Variants in STRBP observed in about 807,000 individuals in gnomAD.
STRBP encodes the protein spermatid perinuclear RNA binding protein, also known as spermatid perinuclear RNA-binding protein.
Under a neutral mutation model 80.1 loss-of-function variants are expected in STRBP, and 13 were observed. The ratio of observed to expected loss-of-function variants is 0.16; its 90% CI spans 0.11 to 0.26. The LOEUF is 0.26. STRBP is among the 10% of genes least tolerant of loss of function. STRBP has a pLI of 1.00. For synonymous variants in STRBP, 284 were observed against 291.2 expected (o/e 0.98, Z 0.25); for missense variants, 485 against 815.2 (o/e 0.59, Z 4.93).
At chr9:123,251,231 C>A (rs1209771056) in intron 1 of STRBP, among the ~76,000 whole-genome samples, 5 of 151,362 alleles carry the variant, frequency 3.3e-5, no homozygotes, top group African/African-American at 1.2e-4. Context: ...CTCCCTCTCT[C>A]AAAGAAGAAG....
At chr9:123,140,245 A>G (rs368011472) in intron 13 of STRBP, among the ~76,000 whole-genome samples, 2 of 152,248 alleles carry the variant, frequency 1.3e-5, no homozygotes, top group African/African-American at 4.8e-5. Context: ...CAATTACAAA[A>G]TAACATCTAA....
exon 4 of STRBP, chr9:123,109,652 C>G (rs1416147494): frequency 6.6e-6 from 1 of 152,358 alleles, no homozygotes; most frequent in East Asian, 1.9e-4. Flanking sequence ...CGGGTGCTGC[C>G]TGGAGGACTT....
chr9:123,188,845 G>C (rs1313052528), intron 2 of STRBP, among the ~76,000 whole-genome samples: 1 of 151,944 alleles, frequency 6.6e-6, no homozygotes. Context: ...TAACTGACTA[G>C]GAAACCTTCA....
At chr9:123,159,538 T>A (rs2037434199) in intron 8 of STRBP, among the ~76,000 whole-genome samples, 2 of 152,192 alleles carry the variant, frequency 1.3e-5, no homozygotes, top group African/African-American at 4.8e-5. Flanking sequence ...TAATAGCTAA[T>A]AACTAGCCAG....
intron 2 of STRBP, among the ~76,000 whole-genome samples, chr9:123,202,587 T>C (rs2039366607): frequency 6.6e-6 from 1 of 152,214 alleles, no homozygotes; most frequent in Non-Finnish European, 1.5e-5. Flanking sequence ...GTTACTTTGA[T>C]AGGTTTTCCT....
intron 2 of STRBP, among the ~76,000 whole-genome samples, chr9:123,193,240 C>T (rs935934199): frequency 6.6e-6 from 1 of 152,144 alleles, no homozygotes; most frequent in African/African-American, 2.4e-5. Flanking sequence ...CCTAGTACAT[C>T]GCCCTGCACT....
downstream of STRBP, among the ~76,000 whole-genome samples, chr9:123,118,834 T>TC (rs2035686141): frequency 6.6e-6 from 1 of 152,194 alleles, no homozygotes; most frequent in Non-Finnish European, 1.5e-5. Flanking sequence ...TGACCACCTT[T>TC]CTGCAGAGGC....
rs201089638 is a variant in STRBP at position 123,210,754 on chromosome 9, G to T, written c.-165+26076C>A. 2.0e-5 allele frequency among the ~76,000 whole-genome samples: 3 copies of T among 152,166 alleles called. No homozygotes were observed. The East Asian group carries it at 5.8e-4, about 29-fold the overall frequency. On this transcript the variant is annotated intron_variant, in intron 2 of 18. Transcript: ENST00000348403. ...TGAGGTATGAGAATCGCTTGAACCT[G>T]GGAGACGGAGGCTGCAGTGAGCCAA... is the stretch of plus-strand genomic sequence containing the variant.
chr9:123,173,736 C>T lies in STRBP; in HGVS notation c.331G>A (p.Asp111Asn), dbSNP rs753347354. 5.0e-6 allele frequency: 8 copies of T among 1,613,856 alleles called. No homozygotes were observed. Among genetic ancestry groups the T allele is most frequent in the African/African-American group, 1.3e-5 (1 of 74,998 alleles). Residue 111 changes from aspartate (D) to asparagine (N), a missense_variant, in exon 5 of 19, where the codon GAC becomes AAC. Around this residue, in one of 3 missense-constraint regions of STRBP, gnomAD observed 377 missense variants for 616.1 expected, o/e 0.61. Transcript: ENST00000348403. Reference sequence around the variant, plus strand: ...TTTAACAGGGTCTCTGTGGGTTTGTCTTTGCACATTAAAACCAGCTCCAAG... The same window carrying T: ...TTTAACAGGGTCTCTGTGGGTTTGTTTTTGCACATTAAAACCAGCTCCAAG... ...MDLELVLMCK[D>N]KPTETLLNTV...
intron 11 of STRBP, among the ~76,000 whole-genome samples, chr9:123,151,837 A>G (rs2037069918): frequency 6.6e-6 from 1 of 152,164 alleles, no homozygotes; most frequent in Non-Finnish European, 1.5e-5. Flanking sequence ...AAGAGCAGAA[A>G]CCAATAAAAC....
At chr9:123,132,631 C>T (rs749070153) in intron 17 of STRBP, among the ~76,000 whole-genome samples, 4 of 152,222 alleles carry the variant, frequency 2.6e-5, no homozygotes, top group Non-Finnish European at 4.4e-5. Flanking sequence ...ATTTGCTCAT[C>T]TGTCATCTCC....
rs572701485 is a variant in STRBP at position 123,150,484 on chromosome 9, T to C, written c.1046-2614A>G. Reference sequence around the variant, plus strand: ...CAGAAGGCTGAGGCAGGAGGATTCATTGAGTCCAGGAGTTTGAGGTTAAAG... The same window carrying C: ...CAGAAGGCTGAGGCAGGAGGATTCACTGAGTCCAGGAGTTTGAGGTTAAAG... On this transcript the variant is annotated intron_variant, in intron 11 of 18. Coordinates refer to ENST00000348403, the MANE Select transcript of STRBP (RefSeq NM_018387.5). Among the ~76,000 whole-genome samples the C allele has an allele frequency of 3.2e-4, 48 of 152,260 alleles. 1 individual carries two copies. The highest frequency in any genetic ancestry group is 5.7e-4 in the Non-Finnish European group (39 of 68,018).
chr9:123,261,607 TCA>T (rs933483524), intron 1 of STRBP, among the ~76,000 whole-genome samples: 107 of 152,180 alleles, frequency 7.0e-4, no homozygotes, highest in African/African-American at 2.5e-3. Context: ...AACAAAAAAA[TCA>T]CAGTTAGTAC....
At chr9:123,256,018 C>CT (rs11338372) in intron 1 of STRBP, among the ~76,000 whole-genome samples, 922 of 71,496 alleles carry the variant, frequency 0.013, 30 homozygotes, top group East Asian at 0.022. Flanking sequence ...TCCTTTCTTT[C>CT]TTTTTTTTTT....
chr9:123,226,544 A>AG (rs2040241941), intron 2 of STRBP, among the ~76,000 whole-genome samples: 1 of 152,184 alleles, frequency 6.6e-6, no homozygotes, highest in African/African-American at 2.4e-5. Context: ...GGGAAAGATA[A>AG]GGGAAACTAA....
Position 123,124,720 on chromosome 9 carries a change from ATTAAT to A in STRBP, c.*872_*876del, listed in dbSNP as rs1283476649. On this transcript the variant is annotated 3_prime_UTR_variant, in exon 19 of 19. Coordinates refer to ENST00000348403, the MANE Select transcript of STRBP (RefSeq NM_018387.5). ...AAGAACAAGAGAGGGTGATTGATTGATTAATTTATTATTTTTAAAAACTTGGAAAT... is the reference window on the plus strand; with the variant it reads ...AAGAACAAGAGAGGGTGATTGATTGATTATTATTTTTAAAAACTTGGAAAT... The A allele has an allele frequency of 1.0e-6, 1 of 985,290 alleles. No individual in the cohort carries two copies. The highest frequency in any genetic ancestry group is 1.2e-6 in the Non-Finnish European group (1 of 829,908). 61.0% of individuals were successfully genotyped at this position (985,290 alleles called of 1,614,324 possible). A position where few individuals can be genotyped will look rare whatever the true frequency, so the allele number is the denominator to read the frequency against.
rs978288108 is a variant in STRBP, at chr9:123,123,772, G to A, written c.*1825C>T. On this transcript the variant is annotated 3_prime_UTR_variant, in exon 19 of 19. Coordinates refer to ENST00000348403, the MANE Select transcript of STRBP (RefSeq NM_018387.5). ...CAATTAATAGTATTCCAAAGACAAT[G>A]AGGACTACTGTAAAGATTTAATTAA... 25 of 985,256 alleles carry A rather than the reference G, an allele frequency of 2.5e-5. No individual in the cohort carries two copies. Among genetic ancestry groups the A allele is most frequent in the Non-Finnish European group, 3.0e-5 (25 of 829,926 alleles). The allele number at this position is 985,256 out of a possible 1,614,324, so 61.0% of individuals were successfully genotyped here.
At chr9:123,189,260 G>A (rs2132479628) in intron 2 of STRBP, among the ~76,000 whole-genome samples, 1 of 136,816 alleles carries the variant, frequency 7.3e-6, no homozygotes, top group South Asian at 2.4e-4. Flanking sequence ...ATTGAACAAT[G>A]AGAACACATG....
At chr9:123,254,051 G>C (rs927651304) in intron 1 of STRBP, among the ~76,000 whole-genome samples, 1 of 121,738 alleles carries the variant, frequency 8.2e-6, no homozygotes, top group African/African-American at 2.5e-5. Context: ...CAGAAGGAAC[G>C]AGGGGGAAAA....
Sources: allele counts gnomAD v4.1 joint callset (sites outside exome capture counted in the v4.1 genomes callset), GRCh38; gene constraint gnomAD v4.1.1; regional missense constraint gnomAD v4.1.1; transcripts MANE v1.5; gene names NCBI Gene and HGNC (gene_info 2026-07-23, HGNC 2026-07-21).